The following PATJ variants were observed in gnomAD, a reference collection of about 807,000 sequenced individuals.
PATJ encodes the protein inaD-like protein.
PATJ carries 190 observed loss-of-function variants against 224.9 expected under a neutral mutation model. That is an observed-to-expected ratio of 0.84 (90% CI 0.75 to 0.95). The LOEUF is 0.95. PATJ is among the 40% of genes least tolerant of loss of function. The probability of loss-of-function intolerance (pLI) is 0.00; values close to 1 mark genes in which losing one functional copy is unlikely to be tolerated. For missense variants in PATJ, 2,121 were observed against 2,270.3 expected, an observed-to-expected ratio of 0.93 and a Z score of 1.34; for synonymous variants, 769 against 820.3, an observed-to-expected ratio of 0.94 and a Z score of 1.07.
chr1:61,755,302 CTG>C (rs1209584164), intron 1 of PATJ, among the ~76,000 whole-genome samples: 6 of 145,444 alleles, frequency 4.1e-5, no homozygotes, highest in Non-Finnish European at 9.0e-5. Context: ...GAGCAAGACT[CTG>C]TCTCAAAAAA....
intron 28 of PATJ, among the ~76,000 whole-genome samples, chr1:62,008,536 C>T (rs534556866): frequency 9.2e-5 from 14 of 152,216 alleles, no homozygotes; most frequent in East Asian, 5.8e-4. Flanking sequence ...GCAAGTGGAT[C>T]GCTTGAGTCC....
chr1:62,080,492 C>T (rs964744728), intron 32 of PATJ, among the ~76,000 whole-genome samples: 10 of 151,982 alleles, frequency 6.6e-5, no homozygotes, highest in South Asian at 6.2e-4. Flanking sequence ...CCACCATGCC[C>T]GGCTAATTTT....
chr1:61,745,060 C>T (rs1644955245), intron 1 of PATJ, among the ~76,000 whole-genome samples: 2 of 152,174 alleles, frequency 1.3e-5, no homozygotes, highest in Non-Finnish European at 2.9e-5. Context: ...GAGAAGCTCT[C>T]CCTACCCCAT....
intron 29 of PATJ, among the ~76,000 whole-genome samples, chr1:62,030,416 A>AGACGGAGTCTCGC (rs1648997043): frequency 6.6e-6 from 1 of 151,836 alleles, no homozygotes; most frequent in African/African-American, 2.4e-5. Flanking sequence ...TTTATATCTT[A>AGACGGAGTCTCGC]TCAGTGATAG....
intron 1 of PATJ, among the ~76,000 whole-genome samples, chr1:61,747,492 G>A (rs1028516959): frequency 1.3e-5 from 2 of 152,170 alleles, no homozygotes; most frequent in Admixed American, 6.5e-5. Flanking sequence ...GAGATTTGGC[G>A]AGGTTGAAAG....
chr1:62,152,391 A>T (rs1302018731), intron 42 of PATJ, among the ~76,000 whole-genome samples: 3 of 144,948 alleles, frequency 2.1e-5, no homozygotes, highest in Non-Finnish European at 4.8e-5. Flanking sequence ...GCGGCAGCTC[A>T]CGCCTGGAAT....
At chr1:62,062,060 G>C (rs975184214) in intron 31 of PATJ, among the ~76,000 whole-genome samples, 1 of 152,166 alleles carries the variant, frequency 6.6e-6, no homozygotes, top group Non-Finnish European at 1.5e-5. Flanking sequence ...TATGAATGCA[G>C]GTGTCTTTCT....
chr1:61,972,562 A>T (rs915416028), intron 27 of PATJ, among the ~76,000 whole-genome samples: 1 of 152,068 alleles, frequency 6.6e-6, no homozygotes, highest in Non-Finnish European at 1.5e-5. Flanking sequence ...AATGACAACA[A>T]TAATTTTTAA....
At chr1:61,959,740 T>C (rs969812508) in intron 27 of PATJ, among the ~76,000 whole-genome samples, 20 of 152,256 alleles carry the variant, frequency 1.3e-4, no homozygotes, top group African/African-American at 4.8e-4. Context: ...TCACCACTGC[T>C]TTTTTAGAAT....
chr1:61,991,586 T>C (rs888167961), intron 28 of PATJ: 2 of 985,428 alleles, frequency 2.0e-6, no homozygotes, highest in Middle Eastern at 5.2e-4. Flanking sequence ...CGCCATCAAC[T>C]CTTTCTTCCA....
intron 14 of PATJ, among the ~76,000 whole-genome samples, chr1:61,814,781 C>T (rs2148674636): frequency 6.6e-6 from 1 of 152,198 alleles, no homozygotes; most frequent in African/African-American, 2.4e-5. Context: ...TTTTAACTAA[C>T]CAGTCAAAAC....
At chr1:61,742,665 G>A (rs11577014) in intron 1 of PATJ, 110 bp downstream of exon 1, 81,253 of 140,422 alleles carry the variant, frequency 0.58, 22,597 homozygotes, top group South Asian at 0.75. Flanking sequence ...TGCCTGCCCT[G>A]CCCCCGCGCT....
At chr1:62,062,531 C>T (rs1178699880) in intron 31 of PATJ, among the ~76,000 whole-genome samples, 5 of 105,932 alleles carry the variant, frequency 4.7e-5, no homozygotes, top group Non-Finnish European at 8.8e-5. Flanking sequence ...GGGTCTCACT[C>T]TGTTTCCCAG....
intron 27 of PATJ, among the ~76,000 whole-genome samples, chr1:61,975,956 T>G (rs1437107485): frequency 2.0e-5 from 3 of 152,090 alleles, no homozygotes; most frequent in Non-Finnish European, 4.4e-5. Context: ...GCTTTCAAAT[T>G]ATTTTCTATT....
chr1:62,002,873 CAG>C (rs1190709121), intron 28 of PATJ, among the ~76,000 whole-genome samples: 5 of 152,226 alleles, frequency 3.3e-5, no homozygotes, highest in African/African-American at 1.2e-4. Flanking sequence ...TTTCTAGCAA[CAG>C]AGAGAATTGA....
Position 61,959,432 on chromosome 1 carries a change from TTCTTTTC to T in PATJ, c.3671-30734_3671-30728del, listed in dbSNP as rs1490707856. 3.2e-3 allele frequency among the ~76,000 whole-genome samples: 377 copies of T among 118,056 alleles called. 6 individuals are homozygous for T. The highest frequency in any genetic ancestry group is 0.011 in the African/African-American group (282 of 26,368). The allele number at this position is 118,056 out of a possible 152,430, so 77.4% of individuals were successfully genotyped here. A position where few individuals can be genotyped will look rare whatever the true frequency, so the allele number is the denominator to read the frequency against. On this transcript the variant is annotated intron_variant, in intron 27 of 43. Coordinates refer to ENST00000642238, the MANE Select transcript of PATJ (RefSeq NM_001350145.3). ...ATATTATATATATAATATATTTTTTTTCTTTTCTTTTTTTTTTTTTTGAGACAGAGTT... is the reference window on the plus strand; with the variant it reads ...ATATTATATATATAATATATTTTTTTTTTTTTTTTTTTTTGAGACAGAGTT...
In PATJ at chr1:61,864,407, T is replaced by A. The variant is rs1388929626; in HGVS notation, c.2609T>A (p.Ile870Asn). 2 of 1,613,850 alleles carry A rather than the reference T, an allele frequency of 1.2e-6. No homozygotes were observed. Among genetic ancestry groups the A allele is most frequent in the Admixed American group, 3.3e-5 (2 of 60,010 alleles). ...RLQEMDEERE[I>N]LVDEEYELYQ... ...CAGGAAATGGATGAAGAAAGAGAAATTCTTGTTGATGAAGAATATGAGTTA... is the reference window on the plus strand; with the variant it reads ...CAGGAAATGGATGAAGAAAGAGAAAATCTTGTTGATGAAGAATATGAGTTA... The change falls in exon 20 of 44, where the codon ATT (isoleucine) becomes AAT (asparagine). Residue 870 changes from isoleucine (I) to asparagine (N), a missense_variant. Coordinates refer to ENST00000642238, the MANE Select transcript of PATJ (RefSeq NM_001350145.3).
At chr1:62,158,687 T>A (rs535994060) in intron 43 of PATJ, among the ~76,000 whole-genome samples, 1 of 135,032 alleles carries the variant, frequency 7.4e-6, no homozygotes, top group Admixed American at 8.3e-5. Context: ...CACCACTGCA[T>A]TCCAGCCTGG....
chr1:61,870,959 A>C (rs915517335), intron 20 of PATJ, among the ~76,000 whole-genome samples: 1 of 151,972 alleles, frequency 6.6e-6, no homozygotes, highest in Non-Finnish European at 1.5e-5. Context: ...CATTATCCTA[A>C]CAATTAGTGA....
Sources: gnomAD v4.1 joint callset for allele counts (sites outside exome capture counted in the v4.1 genomes callset) on GRCh38, gnomAD v4.1.1 for gene constraint, MANE v1.5 for transcripts, NCBI Gene and HGNC (gene_info 2026-07-23, HGNC 2026-07-21) for gene names.